STX8: variants seen among roughly 807,000 people sequenced by gnomAD.
STX8 encodes syntaxin 8.
STX8 carries 23 observed loss-of-function variants against 37.5 expected under a neutral mutation model. The observed-to-expected ratio is 0.61, with a 90% CI of 0.44 to 0.87. The LOEUF is 0.87. Among genes scored for constraint, STX8 ranks in the 40% least tolerant of loss-of-function variants. The probability of loss-of-function intolerance (pLI) is 0.00; values close to 1 mark genes in which losing one functional copy is unlikely to be tolerated. For synonymous variants in STX8, 115 were observed against 99.1 expected (o/e 1.16, Z -0.95); for missense variants, 313 against 284.7 (o/e 1.10, Z -0.71).
At chr17:9,404,127 A>G (rs970375485) in intron 6 of STX8, among the ~76,000 whole-genome samples, 2 of 152,218 alleles carry the variant, frequency 1.3e-5, no homozygotes, top group Non-Finnish European at 2.9e-5. Flanking sequence ...TAAGGAAGAG[A>G]AAATATATTA....
At chr17:9,484,722 G>A (rs1906509808) in intron 6 of STX8, among the ~76,000 whole-genome samples, 1 of 152,106 alleles carries the variant, frequency 6.6e-6, no homozygotes, top group South Asian at 2.1e-4. Flanking sequence ...AGCTACTCGG[G>A]AGGCTGAGGC....
At chr17:9,406,206 G>A (rs1260135888) in intron 6 of STX8, among the ~76,000 whole-genome samples, 1 of 152,140 alleles carries the variant, frequency 6.6e-6, no homozygotes, top group Non-Finnish European at 1.5e-5. Flanking sequence ...TCCTTGTAAT[G>A]TCATAACTTT....
intron 3 of STX8, chr17:9,554,189 A>C (rs1049355772): frequency 3.3e-5 from 5 of 152,204 alleles, no homozygotes; most frequent in African/African-American, 9.7e-5. Context: ...GAACTTGGGA[A>C]GCGGAGGTTG....
At chr17:9,362,056 C>G (rs577545016) in intron 7 of STX8, among the ~76,000 whole-genome samples, 1 of 152,090 alleles carries the variant, frequency 6.6e-6, no homozygotes, top group Non-Finnish European at 1.5e-5. Context: ...CTAGGCTGGA[C>G]GCAGTGGCTC....
At chr17:9,470,384 T>C (rs1463043659) in intron 6 of STX8, among the ~76,000 whole-genome samples, 1 of 152,212 alleles carries the variant, frequency 6.6e-6, no homozygotes, top group Non-Finnish European at 1.5e-5. Flanking sequence ...CCTGCTGCTT[T>C]GGTTTTTATT....
chr17:9,483,419 T>C (rs1442609432), intron 6 of STX8, among the ~76,000 whole-genome samples: 1 of 152,162 alleles, frequency 6.6e-6, no homozygotes, highest in African/African-American at 2.4e-5. Flanking sequence ...CAGGATAATC[T>C]ACCCACCGTG....
At chr17:9,504,988 A>AAAAAAAAAG in intron 5 of STX8, 50 bp downstream of exon 5, 1 of 1,500,274 alleles carries the variant, frequency 6.7e-7, no homozygotes, top group African/African-American at 1.4e-5. Flanking sequence ...AAAAAAAAAA[A>AAAAAAAAAG]AAAATTCTGG....
rs1300861996 is a variant in STX8 at position 9,436,214 on chromosome 17, G to A, written c.541+55615C>T. On this transcript the variant is annotated intron_variant, in intron 6 of 7. Coordinates refer to ENST00000306357, the MANE Select transcript of STX8 (RefSeq NM_004853.3). ...AAAAAAAATAGCTGGGAGTGGTGACGGGCGCCTGTAGTCCCAGCTACTTGG... is the reference window on the plus strand; with the variant it reads ...AAAAAAAATAGCTGGGAGTGGTGACAGGCGCCTGTAGTCCCAGCTACTTGG... 5.3e-5 allele frequency among the ~76,000 whole-genome samples: 8 copies of A among 151,964 alleles called. No homozygotes were observed. The East Asian group carries it at 5.8e-4, about 11-fold the overall frequency.
intron 6 of STX8, among the ~76,000 whole-genome samples, chr17:9,471,537 G>A (rs903774197): frequency 2.6e-5 from 4 of 152,066 alleles, no homozygotes; most frequent in Admixed American, 6.6e-5. Context: ...GGAAGGACCC[G>A]CCATTAACTG....
chr17:9,471,151 CTT>C (rs34907512), intron 6 of STX8, among the ~76,000 whole-genome samples: 34 of 51,276 alleles, frequency 6.6e-4, no homozygotes, highest in Admixed American at 9.0e-4. Context: ...CCGCACCCTG[CTT>C]TTTTTTTTTT....
intron 4 of STX8, among the ~76,000 whole-genome samples, chr17:9,520,831 C>T (rs1682395885): frequency 6.6e-6 from 1 of 152,070 alleles, no homozygotes; most frequent in Admixed American, 6.6e-5. Context: ...TTTAGCCTTT[C>T]TTAGCGTTTC....
intron 6 of STX8, among the ~76,000 whole-genome samples, chr17:9,429,347 A>G (rs1054230508): frequency 8.2e-5 from 12 of 145,580 alleles, no homozygotes; most frequent in African/African-American, 2.7e-4. Context: ...ACATATATTT[A>G]TATATAATAT....
At chr17:9,530,082 C>A (rs185309033) in intron 4 of STX8, among the ~76,000 whole-genome samples, 61 of 152,112 alleles carry the variant, frequency 4.0e-4, no homozygotes, top group Non-Finnish European at 6.3e-4. Context: ...CTAAGGCGGG[C>A]GGTTCATGAG....
At chr17:9,494,104 C>G (rs1317859729) in intron 5 of STX8, among the ~76,000 whole-genome samples, 2 of 151,722 alleles carry the variant, frequency 1.3e-5, no homozygotes, top group African/African-American at 4.8e-5. Context: ...CAAGCTCCAC[C>G]TCCCGGGTTC....
chr17:9,515,978 C>T (rs1258531772), intron 4 of STX8, among the ~76,000 whole-genome samples: 1 of 152,086 alleles, frequency 6.6e-6, no homozygotes, highest in Non-Finnish European at 1.5e-5. Flanking sequence ...CATTCAAAGC[C>T]TATCCCAACT....
intron 2 of STX8, among the ~76,000 whole-genome samples, chr17:9,557,811 C>T (rs1907039536): frequency 6.6e-6 from 1 of 152,170 alleles, no homozygotes; most frequent in African/African-American, 2.4e-5. Flanking sequence ...TGTGCTCTCA[C>T]CATCAGCTGA....
At chr17:9,512,633 T>C (rs1020511323) in intron 4 of STX8, among the ~76,000 whole-genome samples, 1 of 152,118 alleles carries the variant, frequency 6.6e-6, no homozygotes, top group Non-Finnish European at 1.5e-5. Context: ...CAGATAATTT[T>C]TGTAGAGACG....
intron 1 of STX8, among the ~76,000 whole-genome samples, chr17:9,569,247 A>C (rs1037577435): frequency 3.3e-5 from 5 of 152,236 alleles, no homozygotes; most frequent in Admixed American, 1.3e-4. Context: ...AGGAGCTCAT[A>C]TTTTAAGGAA....
intron 1 of STX8, among the ~76,000 whole-genome samples, chr17:9,574,336 A>C (rs1907807261): frequency 1.2e-5 from 1 of 80,338 alleles, no homozygotes. Context: ...GACATAGAGA[A>C]ATGCTGTTTA....
Sources: allele counts gnomAD v4.1 joint callset (sites outside exome capture counted in the v4.1 genomes callset), GRCh38; gene constraint gnomAD v4.1.1; transcripts MANE v1.5; gene names NCBI Gene and HGNC (gene_info 2026-07-23, HGNC 2026-07-21).